The following IL19 variants were observed in gnomAD, a reference collection of about 807,000 sequenced individuals.
IL19 encodes interleukin 19, also known as interleukin-19.
IL19 carries 15 observed loss-of-function variants against 19.5 expected under a neutral mutation model. That is an observed-to-expected ratio of 0.77 (90% CI 0.52 to 1.19). The LOEUF (loss-of-function observed/expected upper bound fraction) is 1.19. Among genes scored for constraint, IL19 ranks in the 50% most tolerant of loss-of-function variants. The pLI is 0.00. For synonymous variants in IL19, 78 were observed against 78.3 expected, an observed-to-expected ratio of 1.00 and a Z score of 0.02; for missense variants, 199 against 213.1, an observed-to-expected ratio of 0.93 and a Z score of 0.41.
chr1:206,800,452 G>A (rs974460811), intron 2 of IL19, among the ~76,000 whole-genome samples: 1 of 152,218 alleles, frequency 6.6e-6, no homozygotes, highest in African/African-American at 2.4e-5. Flanking sequence ...GGGAGGAAGT[G>A]CCGTAAGACC....
intron 2 of IL19, among the ~76,000 whole-genome samples, chr1:206,803,697 G>T (rs1675775003): frequency 6.6e-6 from 1 of 152,164 alleles, no homozygotes; most frequent in African/African-American, 2.4e-5. Context: ...GAGGACATAG[G>T]AGTGATCTGC....
intron 1 of IL19, among the ~76,000 whole-genome samples, chr1:206,774,407 A>G (rs545869992): frequency 1.1e-4 from 17 of 152,274 alleles, no homozygotes; most frequent in African/African-American, 4.1e-4. Context: ...GGGGACCAGG[A>G]CCTGGGTTTC....
At chr1:206,818,915 C>T (rs972730606) in intron 2 of IL19, among the ~76,000 whole-genome samples, 7 of 150,992 alleles carry the variant, frequency 4.6e-5, no homozygotes, top group African/African-American at 7.3e-5. Flanking sequence ...CAGGTTCAAG[C>T]GATTCTCCTG....
chr1:206,777,591 G>T (rs1675042133), intron 1 of IL19, among the ~76,000 whole-genome samples: 1 of 152,126 alleles, frequency 6.6e-6, no homozygotes, highest in Non-Finnish European at 1.5e-5. Context: ...CAGGGATCCG[G>T]GCTTGCTGGA....
chr1:206,831,073 C>T (rs1676594539), intron 2 of IL19, among the ~76,000 whole-genome samples: 1 of 152,082 alleles, frequency 6.6e-6, no homozygotes, highest in Admixed American at 6.5e-5. Context: ...GGCATGGTAC[C>T]CTCTGGAATT....
chr1:206,808,965 A>C (rs1035423804), intron 2 of IL19, among the ~76,000 whole-genome samples: 12 of 152,156 alleles, frequency 7.9e-5, no homozygotes, highest in African/African-American at 2.9e-4. Context: ...CAGAGAAGGA[A>C]GGCAGAAGGT....
At chr1:206,820,945 C>T (rs1676275847) in intron 2 of IL19, among the ~76,000 whole-genome samples, 1 of 152,200 alleles carries the variant, frequency 6.6e-6, no homozygotes, top group African/African-American at 2.4e-5. Context: ...GCCAAGGTGT[C>T]ACCTCTACCT....
At chr1:206,786,894 A>G (rs1675281302) in intron 1 of IL19, among the ~76,000 whole-genome samples, 1 of 152,114 alleles carries the variant, frequency 6.6e-6, no homozygotes, top group Non-Finnish European at 1.5e-5. Flanking sequence ...AAGCCACCGG[A>G]GAACAGAACG....
In IL19 at chr1:206,840,656, C is replaced by T. The variant is rs144152757; in HGVS notation, c.364-348C>T. 60 of 220,058 alleles carry T rather than the reference C, an allele frequency of 2.7e-4. No individual in the cohort carries two copies. In the East Asian group the frequency reaches 3.9e-3, roughly 14 times the overall value. The allele number at this position is 220,058 out of a possible 1,614,324, so 13.6% of individuals were successfully genotyped here. ...CTAACCAGTTGTTTAATTAACAATT[C>T]GTTAAAATTAATTATCTAATTAATA... On this transcript the variant is annotated intron_variant, in intron 5 of 6. Coordinates refer to ENST00000659997, the MANE Select transcript of IL19 (RefSeq NM_153758.5).
intron 4 of IL19, 139 bp from the exon 5 acceptor site, chr1:206,839,711 C>T (rs1182487881): frequency 2.8e-6 from 2 of 714,742 alleles, no homozygotes; most frequent in Non-Finnish European, 4.9e-6. Flanking sequence ...AGAGGATGAA[C>T]ACTCTGAGAC....
chr1:206,811,252 A>G (rs1035819668), intron 2 of IL19, among the ~76,000 whole-genome samples: 5 of 151,998 alleles, frequency 3.3e-5, no homozygotes, highest in Non-Finnish European at 7.4e-5. Context: ...TGAACTATAT[A>G]AAAAGTTTGG....
chr1:206,788,123 G>A (rs1479440122), intron 1 of IL19, among the ~76,000 whole-genome samples: 1 of 152,172 alleles, frequency 6.6e-6, no homozygotes, highest in Non-Finnish European at 1.5e-5. Context: ...GGTGGCTTGA[G>A]CAATCTTATC....
chr1:206,818,193 T>G (rs1676211104), intron 2 of IL19, among the ~76,000 whole-genome samples: 1 of 152,178 alleles, frequency 6.6e-6, no homozygotes, highest in Admixed American at 6.5e-5. Context: ...TATAGAACAC[T>G]CTACCTAACA....
chr1:206,832,443 A>G (rs1049135896), intron 2 of IL19, among the ~76,000 whole-genome samples: 6 of 152,218 alleles, frequency 3.9e-5, no homozygotes, highest in Non-Finnish European at 7.3e-5. Context: ...CCTCATTCCC[A>G]TAGAAGGCAA....
chr1:206,841,085 T>C lies in IL19; in HGVS notation c.438+7T>C. The C allele has an allele frequency of 6.2e-7, 1 of 1,612,864 alleles. No homozygotes were observed. The highest frequency in any genetic ancestry group is 1.1e-5 in the South Asian group (1 of 91,052). ...CCATGACAACTATGATCAGGTAAGA[T>C]CTGGGAAGAGGTTGGGGAAGATGGA... On this transcript the variant is annotated splice_region_variant and intron_variant, in intron 6 of 6. Transcript: ENST00000659997.
At chr1:206,772,588 A>AT (rs148587843) in intron 1 of IL19, 1 of 720,314 alleles carries the variant, frequency 1.4e-6, no homozygotes, top group Admixed American at 2.3e-5. Flanking sequence ...CCGGCACAGG[A>AT]TTTTTTCTGC....
chr1:206,790,663 A>C (rs182830518), intron 1 of IL19, among the ~76,000 whole-genome samples: 2 of 152,228 alleles, frequency 1.3e-5, no homozygotes, highest in African/African-American at 4.8e-5. Context: ...CTCTGACGCA[A>C]GTTTAAGGCT....
In IL19 at chr1:206,825,115, T is replaced by G. The variant is rs142949175; in HGVS notation, c.-2-11546T>G. Among the ~76,000 whole-genome samples the G allele has an allele frequency of 7.1e-4, 108 of 152,336 alleles. 1 individual carries two copies. In the South Asian group the frequency reaches 0.018, roughly 25 times the overall value. On this transcript the variant is annotated intron_variant, in intron 2 of 6. Transcript: ENST00000659997. ...GGGTTCATGGACTCTTGAGGGGTTC[T>G]CAGAAAGACATCAGAAGGAAAGTTT...
At chr1:206,815,004 C>G (rs1048140745) in intron 2 of IL19, among the ~76,000 whole-genome samples, 45 of 152,174 alleles carry the variant, frequency 3.0e-4, no homozygotes, top group African/African-American at 1.0e-3. Context: ...CTGGGCAGGG[C>G]TCAGTACAGA....
Sources: gnomAD v4.1 joint callset for allele counts (sites outside exome capture counted in the v4.1 genomes callset) on GRCh38, gnomAD v4.1.1 for gene constraint, MANE v1.5 for transcripts, NCBI Gene and HGNC (gene_info 2026-07-23, HGNC 2026-07-21) for gene names.